The following TNS1 variants were observed in gnomAD, a reference collection of about 807,000 sequenced individuals.
TNS1 encodes tensin-1.
A neutral mutation model predicts 168.6 loss-of-function variants in TNS1; 62 were observed. That is an observed-to-expected ratio of 0.37 (90% confidence interval 0.30 to 0.45). TNS1 has a LOEUF of 0.45. TNS1 is among the 20% of genes least tolerant of loss of function. The probability of loss-of-function intolerance (pLI) is 1.00; values close to 1 mark genes in which losing one functional copy is unlikely to be tolerated. For synonymous variants in TNS1, 934 were observed against 933.2 expected, an observed-to-expected ratio of 1.00 and a Z score of -0.02; for missense variants, 2,240 against 2,339.4, an observed-to-expected ratio of 0.96 and a Z score of 0.88.
chr2:217,981,784 C>G (rs1357233876), intron 2 of TNS1, among the ~76,000 whole-genome samples: 1 of 152,204 alleles, frequency 6.6e-6, no homozygotes, highest in Non-Finnish European at 1.5e-5. Flanking sequence ...GCAGTATGTC[C>G]TCCTCTCTAA....
Position 217,813,355 on chromosome 2 carries a change from C to T in TNS1, c.4862-48G>A, listed in dbSNP as rs1425680474. 5.8e-6 allele frequency: 8 copies of T among 1,382,592 alleles called. No individual in the cohort carries two copies. Among genetic ancestry groups the T allele is most frequent in the Non-Finnish European group, 8.1e-6 (8 of 992,630 alleles). The allele number at this position is 1,382,592 out of a possible 1,614,324, so 85.6% of individuals were successfully genotyped here. A position where few individuals can be genotyped will look rare whatever the true frequency, so the allele number is the denominator to read the frequency against. On this transcript the variant is annotated intron_variant, in intron 26 of 32. Transcript: ENST00000682258. The surrounding 1 kb of genome is among the most constrained non-coding windows in gnomAD (Gnocchi z 4.0). ...AGGCTCAGTCCCTGCCCATGGCTTC[C>T]TCCCACCACCTCCCAAGACTGCTTC...
chr2:217,966,313 G>A (rs577643499), intron 3 of TNS1, among the ~76,000 whole-genome samples: 67 of 131,072 alleles, frequency 5.1e-4, no homozygotes, highest in Non-Finnish European at 9.1e-4. Flanking sequence ...GTGTGTGCGC[G>A]CGCGCGCGTG....
chr2:217,965,758 C>A (rs1559391465), intron 3 of TNS1, among the ~76,000 whole-genome samples: 1 of 152,162 alleles, frequency 6.6e-6, no homozygotes, highest in Non-Finnish European at 1.5e-5. Context: ...TTAGCCAGCT[C>A]AACGGGCACC....
chr2:217,984,591 T>C (rs1958143464), intron 2 of TNS1, among the ~76,000 whole-genome samples: 1 of 151,972 alleles, frequency 6.6e-6, no homozygotes, highest in African/African-American at 2.4e-5. Flanking sequence ...CAGGCTCAAG[T>C]GATCCTCCCA....
chr2:218,019,815 TG>T (rs1958792069), intron 1 of TNS1, among the ~76,000 whole-genome samples: 1 of 152,144 alleles, frequency 6.6e-6, no homozygotes, highest in African/African-American at 2.4e-5. Flanking sequence ...AAGTGCCTCC[TG>T]ATACCTGCCC....
chr2:217,900,596 C>A, intron 6 of TNS1, 84 bp from the exon 7 acceptor site: 2 of 1,346,814 alleles, frequency 1.5e-6, no homozygotes, highest in Non-Finnish European at 2.0e-6. Context: ...TCCACGGGGG[C>A]AAACATGATC....
intron 3 of TNS1, among the ~76,000 whole-genome samples, chr2:217,950,245 A>C (rs1957207714): frequency 6.6e-6 from 1 of 152,198 alleles, no homozygotes; most frequent in Non-Finnish European, 1.5e-5. Context: ...CACCATCAGC[A>C]CCTTGAAAAA....
At chr2:217,865,136 A>G (rs1949156306) in intron 18 of TNS1, among the ~76,000 whole-genome samples, 1 of 151,968 alleles carries the variant, frequency 6.6e-6, no homozygotes, top group African/African-American at 2.4e-5. Context: ...AGAGGTGACT[A>G]TGAGTCAAGG....
At chr2:217,907,122 C>G in intron 5 of TNS1, 88 bp downstream of exon 5, 1 of 687,774 alleles carries the variant, frequency 1.5e-6, no homozygotes, top group East Asian at 2.7e-5. Context: ...CATCTGTCCA[C>G]TCTCCCCCAA....
At chr2:217,913,397 C>T (rs538786829) in intron 4 of TNS1, among the ~76,000 whole-genome samples, 4 of 152,180 alleles carry the variant, frequency 2.6e-5, no homozygotes, top group Admixed American at 1.3e-4. Flanking sequence ...CCAATGCAGC[C>T]GGCTTGCACA....
At chr2:218,030,821 A>G (rs1205956800) in intron 1 of TNS1, among the ~76,000 whole-genome samples, 1 of 152,068 alleles carries the variant, frequency 6.6e-6, no homozygotes, top group African/African-American at 2.4e-5. Flanking sequence ...AATATATGAC[A>G]TTGTGTATGT....
intron 4 of TNS1, among the ~76,000 whole-genome samples, chr2:217,909,571 CCACACA>C (rs3054350): frequency 1.4e-4 from 20 of 147,194 alleles, no homozygotes; most frequent in African/African-American, 4.5e-4. Flanking sequence ...GCCTGGGTGC[CCACACA>C]CACACACACA....
rs866108987 is a variant in TNS1, at chr2:217,835,038, G to C, written c.3280+53C>G. 1.3e-5 allele frequency: 19 copies of C among 1,490,314 alleles called. 1 individual carries two copies. The Middle Eastern group carries it at 1.6e-3, about 128-fold the overall frequency. 92.3% of individuals were successfully genotyped at this position (1,490,314 alleles called of 1,614,324 possible). A position where few individuals can be genotyped will look rare whatever the true frequency, so the allele number is the denominator to read the frequency against. ...GGGGCACTCCCACAGGCAGGGTTGA[G>C]CTGAGGGGCTGGAGGGTACACAGGG... On this transcript the variant is annotated intron_variant, in intron 21 of 32. Coordinates refer to ENST00000682258, the MANE Select transcript of TNS1 (RefSeq NM_001387777.1).
intron 24 of TNS1, 59 bp from the exon 25 acceptor site, chr2:217,815,057 C>T (rs1383195442): frequency 1.4e-6 from 2 of 1,383,590 alleles, no homozygotes; most frequent in South Asian, 1.2e-5. Flanking sequence ...CCAAAACATA[C>T]ATCAAAGTCC....
chr2:217,942,616 C>A (rs921923180), intron 3 of TNS1, among the ~76,000 whole-genome samples: 2 of 152,190 alleles, frequency 1.3e-5, no homozygotes, highest in African/African-American at 4.8e-5. Context: ...CCACCCCAGG[C>A]AGCTTCAGGA....
chr2:217,999,564 T>C (rs1255246534), intron 1 of TNS1, among the ~76,000 whole-genome samples: 1 of 152,174 alleles, frequency 6.6e-6, no homozygotes, highest in Non-Finnish European at 1.5e-5. Flanking sequence ...TTGCAAAACT[T>C]TGCAAAAGGA....
intron 2 of TNS1, among the ~76,000 whole-genome samples, chr2:217,979,595 T>C (rs958856330): frequency 2.0e-5 from 3 of 151,822 alleles, no homozygotes; most frequent in Admixed American, 6.6e-5. Flanking sequence ...GGAATCAAAT[T>C]TCCTATAAGG....
intron 18 of TNS1, among the ~76,000 whole-genome samples, chr2:217,877,572 G>A (rs1017783087): frequency 6.6e-6 from 1 of 152,210 alleles, no homozygotes; most frequent in Admixed American, 6.5e-5. Context: ...AGCCACCTGA[G>A]CCTGAGAAGT....
At chr2:218,021,952 C>T (rs909432457) in intron 1 of TNS1, among the ~76,000 whole-genome samples, 1 of 152,064 alleles carries the variant, frequency 6.6e-6, no homozygotes, top group African/African-American at 2.4e-5. Flanking sequence ...CTCCAGAAGA[C>T]CTCAGAGCGG....
Sources: gnomAD v4.1 joint callset for allele counts (sites outside exome capture counted in the v4.1 genomes callset) on GRCh38, gnomAD v4.1.1 for gene constraint, Gnocchi (gnomAD v3.1) non-coding constraint, MANE v1.5 for transcripts, NCBI Gene and HGNC (gene_info 2026-07-23, HGNC 2026-07-21) for gene names.